ANO2: variants seen among roughly 807,000 people sequenced by gnomAD.
ANO2 encodes anoctamin 2.
ANO2 carries 101 observed loss-of-function variants against 124.2 expected under a neutral mutation model. The ratio of observed to expected loss-of-function variants is 0.81; its 90% confidence interval spans 0.69 to 0.96. The LOEUF is 0.96. ANO2 is among the 40% of genes least tolerant of loss of function. The probability of loss-of-function intolerance (pLI) is 0.00; values close to 1 mark genes in which losing one functional copy is unlikely to be tolerated. For missense variants in ANO2, 1,293 were observed against 1,274.5 expected, an observed-to-expected ratio of 1.01 and a Z score of -0.22; for synonymous variants, 486 against 482.5, an observed-to-expected ratio of 1.01 and a Z score of -0.09.
At position 5,623,288 on chromosome 12, in the gene ANO2, C is replaced by T. The variant is rs541953789; in HGVS notation, c.1817-7991G>A. Among the ~76,000 whole-genome samples, 5 of 152,222 alleles carry T rather than the reference C, an allele frequency of 3.3e-5. 1 individual carries two copies. In the South Asian group the frequency reaches 1.0e-3, roughly 32 times the overall value. Reference sequence around the variant, plus strand: ...GATAGGCAACCCTCTCTATTATTCACGTGCCCCCTAACATAGCACCTCCGC... The same window carrying T: ...GATAGGCAACCCTCTCTATTATTCATGTGCCCCCTAACATAGCACCTCCGC... On this transcript the variant is annotated intron_variant, in intron 16 of 24. Transcript: ENST00000682330.
At chr12:5,695,661 C>T (rs988427537) in intron 14 of ANO2, among the ~76,000 whole-genome samples, 1 of 151,972 alleles carries the variant, frequency 6.6e-6, no homozygotes, top group African/African-American at 2.4e-5. Flanking sequence ...GCCTACATGG[C>T]AAAACCCCAT....
intron 14 of ANO2, among the ~76,000 whole-genome samples, chr12:5,688,188 C>A (rs1488166452): frequency 6.6e-6 from 1 of 152,138 alleles, no homozygotes; most frequent in Non-Finnish European, 1.5e-5. Flanking sequence ...TACTCCAAAT[C>A]GGGACCTGAG....
chr12:5,650,167 C>T (rs1946847179), intron 14 of ANO2, among the ~76,000 whole-genome samples: 1 of 152,120 alleles, frequency 6.6e-6, no homozygotes, highest in Admixed American at 6.6e-5. Flanking sequence ...ATACTGAGGA[C>T]ACGCTGAGGA....
At chr12:5,943,492 C>A (rs116908884) in intron 1 of ANO2, among the ~76,000 whole-genome samples, 4,899 of 152,072 alleles carry the variant, frequency 0.032, 111 homozygotes, top group Non-Finnish European at 0.049. Context: ...ATATCATGGA[C>A]TTTGGGGACT....
chr12:5,707,289 C>T (rs923417876), intron 14 of ANO2, among the ~76,000 whole-genome samples: 1 of 152,184 alleles, frequency 6.6e-6, no homozygotes, highest in Non-Finnish European at 1.5e-5. Flanking sequence ...GAGGCCTCCC[C>T]AGCCATGTGG....
At chr12:5,846,093 T>C (rs537572044) in intron 4 of ANO2, among the ~76,000 whole-genome samples, 3 of 152,210 alleles carry the variant, frequency 2.0e-5, no homozygotes, top group Non-Finnish European at 4.4e-5. Context: ...TAAAAGATGC[T>C]AATATCCTTC....
intron 14 of ANO2, among the ~76,000 whole-genome samples, chr12:5,655,138 T>A (rs888540702): frequency 6.6e-6 from 1 of 152,088 alleles, no homozygotes; most frequent in African/African-American, 2.4e-5. Context: ...ACTTTTTTAT[T>A]GGGAAAAAAA....
At chr12:5,836,331 T>C (rs1954316857) in intron 4 of ANO2, among the ~76,000 whole-genome samples, 1 of 152,238 alleles carries the variant, frequency 6.6e-6, no homozygotes, top group South Asian at 2.1e-4. Flanking sequence ...TTTTTAAAAA[T>C]ACAGTTAAAA....
chr12:5,851,147 C>T (rs934148517), intron 4 of ANO2, among the ~76,000 whole-genome samples: 1 of 152,150 alleles, frequency 6.6e-6, no homozygotes, highest in Admixed American at 6.5e-5. Flanking sequence ...TATGTTCTCA[C>T]CCTCGCCAAC....
At chr12:5,923,176 A>ACG (rs1188955505) in intron 1 of ANO2, among the ~76,000 whole-genome samples, 1 of 45,796 alleles carries the variant, frequency 2.2e-5, no homozygotes. Context: ...ACACACACGC[A>ACG]CACACACATA....
intron 4 of ANO2, among the ~76,000 whole-genome samples, chr12:5,846,341 G>T (rs1239091033): frequency 3.3e-5 from 5 of 152,162 alleles, no homozygotes; most frequent in Non-Finnish European, 7.4e-5. Context: ...GAAGATCCAT[G>T]CACCAAGTCT....
intron 4 of ANO2, among the ~76,000 whole-genome samples, chr12:5,836,183 C>T (rs890924416): frequency 7.9e-5 from 12 of 152,314 alleles, no homozygotes; most frequent in Admixed American, 7.8e-4. Flanking sequence ...CCAGTCTCTC[C>T]ACATTTTCTC....
intron 3 of ANO2, among the ~76,000 whole-genome samples, chr12:5,914,883 ATGCATGT>A (rs1941289500): frequency 6.6e-6 from 1 of 152,138 alleles, no homozygotes; most frequent in Non-Finnish European, 1.5e-5. Context: ...GGTGACACCC[ATGCATGT>A]GAGTCTCTGC....
In ANO2 at chr12:5,862,171, G is replaced by C. The variant is rs555983918; in HGVS notation, c.535-8030C>G. On this transcript the variant is annotated intron_variant, in intron 3 of 24. Transcript: ENST00000682330. The surrounding 1 kb of genome is among the most constrained non-coding windows in gnomAD (Gnocchi z 4.0). Reference sequence around the variant, plus strand: ...GAAAGGTGGAAATCTGCTCTGCTGGGAGCTCCTGGATGAGAGTACTGGAAT... The same window carrying C: ...GAAAGGTGGAAATCTGCTCTGCTGGCAGCTCCTGGATGAGAGTACTGGAAT... Among the ~76,000 whole-genome samples the C allele has an allele frequency of 1.3e-5, 2 of 152,108 alleles. No individual in the cohort carries two copies. The highest frequency in any genetic ancestry group is 2.9e-5 in the Non-Finnish European group (2 of 68,024).
At chr12:5,577,618 T>C (rs1461148354) in intron 22 of ANO2, among the ~76,000 whole-genome samples, 2 of 152,180 alleles carry the variant, frequency 1.3e-5, no homozygotes, top group East Asian at 3.8e-4. Flanking sequence ...AGGAGTAGAG[T>C]AAGAAAGGAA....
At chr12:5,710,190 TA>T (rs1437354696) in intron 14 of ANO2, among the ~76,000 whole-genome samples, 4 of 152,166 alleles carry the variant, frequency 2.6e-5, no homozygotes, top group Non-Finnish European at 4.4e-5. Flanking sequence ...GGCCAATTGG[TA>T]AGAGGTGATT....
At position 5,636,605 on chromosome 12, in the gene ANO2, T is replaced by TACACACACACAC. The variant is rs61059041; in HGVS notation, c.1621-1270_1621-1259dup. 7.1e-3 allele frequency among the ~76,000 whole-genome samples: 839 copies of TACACACACACAC among 118,548 alleles called. 9 individuals are homozygous for TACACACACACAC. The highest frequency in any genetic ancestry group is 0.017 in the South Asian group (48 of 2,798). 77.8% of individuals were successfully genotyped at this position (118,548 alleles called of 152,430 possible). On this transcript the variant is annotated intron_variant, in intron 15 of 24. Transcript: ENST00000682330. This position sits in a 1 kb window ranked among gnomAD's most constrained non-coding sequence, Gnocchi z 4.6. The stretch of plus-strand genomic sequence containing the variant: ...CCTGAAAAAATAAGCTGTGCTGGAC[T>TACACACACACAC]ACACACACACACACACACACACACA...
chr12:5,934,231 G>A (rs1256107404), intron 1 of ANO2, among the ~76,000 whole-genome samples: 1 of 152,154 alleles, frequency 6.6e-6, no homozygotes, highest in East Asian at 1.9e-4. Context: ...GAGAGGCCAG[G>A]TAAGTTGTCC....
intron 11 of ANO2, among the ~76,000 whole-genome samples, chr12:5,750,330 T>C (rs1951398559): frequency 6.6e-6 from 1 of 152,218 alleles, no homozygotes. Flanking sequence ...TATTCCTCCC[T>C]GCAGTTTCTG....
Sources: gnomAD v4.1 joint callset for allele counts (sites outside exome capture counted in the v4.1 genomes callset) on GRCh38, gnomAD v4.1.1 for gene constraint, Gnocchi (gnomAD v3.1) non-coding constraint, MANE v1.5 for transcripts, NCBI Gene and HGNC (gene_info 2026-07-23, HGNC 2026-07-21) for gene names.